GFRAL: variants seen among roughly 807,000 people sequenced by gnomAD.
The protein encoded by GFRAL is GDNF family receptor alpha like.
GFRAL carries 36 observed loss-of-function variants against 45.4 expected under a neutral mutation model. The ratio of observed to expected loss-of-function variants is 0.79; its 90% CI spans 0.61 to 1.05. The LOEUF is 1.05. Among genes scored for constraint, GFRAL ranks in the 50% least tolerant of loss-of-function variants. The pLI is 0.00. For missense variants in GFRAL, 507 were observed against 467.5 expected, an observed-to-expected ratio of 1.08 and a Z score of -0.78; for synonymous variants, 166 against 154.1, an observed-to-expected ratio of 1.08 and a Z score of -0.57.
At chr6:55,342,854 A>G (rs1049218511) in intron 3 of GFRAL, among the ~76,000 whole-genome samples, 1 of 152,178 alleles carries the variant, frequency 6.6e-6, no homozygotes, top group East Asian at 1.9e-4. Flanking sequence ...AATGGAAAAC[A>G]AAAAAAGGCA....
At chr6:55,329,044 T>G (rs983890123) in intron 1 of GFRAL, among the ~76,000 whole-genome samples, 8 of 152,096 alleles carry the variant, frequency 5.3e-5, no homozygotes, top group Non-Finnish European at 8.8e-5. Flanking sequence ...TCCATCTTAT[T>G]AATTTAAAAA....
chr6:55,340,603 A>G (rs1307369637), intron 3 of GFRAL, among the ~76,000 whole-genome samples: 1 of 152,194 alleles, frequency 6.6e-6, no homozygotes, highest in Non-Finnish European at 1.5e-5. Context: ...TGAGTGATGC[A>G]GAAGACGAGT....
chr6:55,330,762 A>C (rs1215060068), intron 1 of GFRAL, among the ~76,000 whole-genome samples: 1 of 152,152 alleles, frequency 6.6e-6, no homozygotes, highest in Non-Finnish European at 1.5e-5. Flanking sequence ...AGAATAGTAC[A>C]TCAGGTAGAT....
intron 2 of GFRAL, among the ~76,000 whole-genome samples, chr6:55,332,825 A>T (rs1396303078): frequency 9.2e-5 from 14 of 152,170 alleles, no homozygotes; most frequent in Non-Finnish European, 7.4e-5. Context: ...TTAAAAGTAA[A>T]TAGAATAGTA....
At chr6:55,335,570 A>T (rs74853893) in intron 3 of GFRAL, among the ~76,000 whole-genome samples, 3,379 of 152,260 alleles carry the variant, frequency 0.022, 63 homozygotes, top group Middle Eastern at 0.048. Context: ...ATGTAGCTTT[A>T]GGTTATATAT....
chr6:55,391,280 T>C (rs1451371861), intron 6 of GFRAL, among the ~76,000 whole-genome samples: 1 of 152,190 alleles, frequency 6.6e-6, no homozygotes, highest in African/African-American at 2.4e-5. Flanking sequence ...CTAGGAATAA[T>C]CTTTGATTTA....
intron 3 of GFRAL, among the ~76,000 whole-genome samples, chr6:55,344,125 ACCATT>A (rs1292317115): frequency 6.6e-6 from 1 of 152,224 alleles, no homozygotes; most frequent in Non-Finnish European, 1.5e-5. Context: ...AGGAGCTGGT[ACCATT>A]CCTTCTGAAA....
At chr6:55,388,720 A>G (rs1768711078) in intron 6 of GFRAL, among the ~76,000 whole-genome samples, 1 of 152,098 alleles carries the variant, frequency 6.6e-6, no homozygotes, top group African/African-American at 2.4e-5. Context: ...TGCTTTTGTT[A>G]TTTTAATACT....
chr6:55,355,661 A>C (rs573700344), intron 5 of GFRAL, among the ~76,000 whole-genome samples: 1 of 152,060 alleles, frequency 6.6e-6, no homozygotes, highest in South Asian at 2.1e-4. Flanking sequence ...AAAATTATAT[A>C]ATCTGCAAAC....
intron 6 of GFRAL, among the ~76,000 whole-genome samples, chr6:55,382,337 G>T (rs1195416445): frequency 6.6e-6 from 1 of 151,764 alleles, no homozygotes; most frequent in Non-Finnish European, 1.5e-5. Flanking sequence ...TTTTAAGTTA[G>T]CAATAAAGAG....
intron 6 of GFRAL, among the ~76,000 whole-genome samples, chr6:55,390,775 C>A (rs564305250): frequency 5.3e-5 from 8 of 152,164 alleles, no homozygotes; most frequent in African/African-American, 1.9e-4. Context: ...GTAATCCCAG[C>A]TACTCAGGAG....
chr6:55,367,198 G>A (rs1295721163), intron 6 of GFRAL, among the ~76,000 whole-genome samples: 1 of 120,816 alleles, frequency 8.3e-6, no homozygotes, highest in Non-Finnish European at 1.7e-5. Flanking sequence ...TTATGTAATG[G>A]CCTTCTTTCT....
At chr6:55,341,278 G>A (rs1013016552) in intron 3 of GFRAL, among the ~76,000 whole-genome samples, 2 of 152,230 alleles carry the variant, frequency 1.3e-5, no homozygotes, top group African/African-American at 4.8e-5. Flanking sequence ...CCCTCCAGTA[G>A]GGGCAGACTG....
chr6:55,370,780 G>C (rs1562059634), intron 6 of GFRAL, among the ~76,000 whole-genome samples: 1 of 152,230 alleles, frequency 6.6e-6, no homozygotes. Flanking sequence ...AAGAATCCCA[G>C]ATCTGGGGTT....
At chr6:55,346,641 T>C (rs564902753) in intron 3 of GFRAL, among the ~76,000 whole-genome samples, 3 of 152,184 alleles carry the variant, frequency 2.0e-5, no homozygotes, top group East Asian at 1.9e-4. Flanking sequence ...TGTATACATA[T>C]GTAACCAACC....
chr6:55,369,282 T>A (rs1319141777), intron 6 of GFRAL, among the ~76,000 whole-genome samples: 1 of 152,204 alleles, frequency 6.6e-6, no homozygotes, highest in African/African-American at 2.4e-5. Context: ...AGTGAGGCAA[T>A]GCCTCGCCCT....
At chr6:55,356,160 A>G (rs1562054510) in intron 5 of GFRAL, among the ~76,000 whole-genome samples, 1 of 151,944 alleles carries the variant, frequency 6.6e-6, no homozygotes, top group Admixed American at 6.6e-5. Flanking sequence ...AATGTTCTTC[A>G]GGAAAATTGT....
intron 3 of GFRAL, among the ~76,000 whole-genome samples, chr6:55,343,633 C>A (rs1332338128): frequency 6.6e-6 from 1 of 152,056 alleles, no homozygotes; most frequent in Non-Finnish European, 1.5e-5. Context: ...GAAGCAAGAG[C>A]AAACACATTC....
intron 6 of GFRAL, among the ~76,000 whole-genome samples, chr6:55,363,379 T>TA (rs1237662546): frequency 2.0e-5 from 3 of 151,924 alleles, no homozygotes; most frequent in Non-Finnish European, 4.4e-5. Flanking sequence ...TTTTTAAACT[T>TA]AAAAAATATA....
Sources: gnomAD v4.1 joint callset for allele counts (sites outside exome capture counted in the v4.1 genomes callset) on GRCh38, gnomAD v4.1.1 for gene constraint, MANE v1.5 for transcripts, NCBI Gene and HGNC (gene_info 2026-07-23, HGNC 2026-07-21) for gene names.